CRPPA: variants seen among roughly 807,000 people sequenced by gnomAD.
The protein encoded by CRPPA is D-ribitol-5-phosphate cytidylyltransferase.
Under a neutral mutation model 52.0 loss-of-function variants are expected in CRPPA, and 43 were observed. That is an observed-to-expected ratio of 0.83 (90% CI 0.65 to 1.07). The LOEUF is 1.07. CRPPA is among the 50% of genes least tolerant of loss of function. The pLI is 0.00. For missense variants in CRPPA, 629 were observed against 551.7 expected, an observed-to-expected ratio of 1.14 and a Z score of -1.40; for synonymous variants, 250 against 203.5, an observed-to-expected ratio of 1.23 and a Z score of -1.94.
At chr7:16,343,553 G>A (rs1201551582) in intron 3 of CRPPA, among the ~76,000 whole-genome samples, 1 of 151,356 alleles carries the variant, frequency 6.6e-6, no homozygotes. Context: ...ATCTGACTCA[G>A]TTTCCCACTG....
intron 5 of CRPPA, among the ~76,000 whole-genome samples, chr7:16,294,299 T>A (rs1439814271): frequency 6.6e-6 from 1 of 151,908 alleles, no homozygotes; most frequent in African/African-American, 2.4e-5. Flanking sequence ...TGATATCAAG[T>A]CTTATTTAAC....
intron 5 of CRPPA, among the ~76,000 whole-genome samples, chr7:16,281,774 G>T (rs1183494356): frequency 6.6e-6 from 1 of 152,228 alleles, no homozygotes; most frequent in Non-Finnish European, 1.5e-5. Context: ...ATTGATGAAT[G>T]ATTATTCACA....
At chr7:16,148,208 C>T (rs1783010909) in intron 9 of CRPPA, among the ~76,000 whole-genome samples, 1 of 152,092 alleles carries the variant, frequency 6.6e-6, no homozygotes, top group Admixed American at 6.6e-5. Context: ...ACATAATTTT[C>T]TCTTCCTCTT....
At chr7:16,401,768 G>T (rs1411493607) in intron 2 of CRPPA, among the ~76,000 whole-genome samples, 4 of 151,886 alleles carry the variant, frequency 2.6e-5, no homozygotes, top group Non-Finnish European at 5.9e-5. Context: ...ACTTAATTAC[G>T]CAGAAATATA....
At chr7:16,187,085 G>A (rs1781520137) in intron 9 of CRPPA, among the ~76,000 whole-genome samples, 1 of 152,038 alleles carries the variant, frequency 6.6e-6, no homozygotes, top group African/African-American at 2.4e-5. Flanking sequence ...TCTCATGTAT[G>A]CTTCATGAAA....
At chr7:16,119,978 C>G (rs1205353831) in intron 9 of CRPPA, among the ~76,000 whole-genome samples, 1 of 152,084 alleles carries the variant, frequency 6.6e-6, no homozygotes, top group Non-Finnish European at 1.5e-5. Context: ...TAAGAATCTT[C>G]AGCATTTAGG....
chr7:16,344,306 C>A (rs2389596), intron 3 of CRPPA, among the ~76,000 whole-genome samples: 42,440 of 149,422 alleles, frequency 0.28, 6,162 homozygotes, highest in Admixed American at 0.34. Context: ...TGGCTCACAT[C>A]TGTAATCCCA....
chr7:16,182,478 C>G (rs1781430594), intron 9 of CRPPA, among the ~76,000 whole-genome samples: 1 of 152,028 alleles, frequency 6.6e-6, no homozygotes, highest in Non-Finnish European at 1.5e-5. Flanking sequence ...TCCATTGTTA[C>G]AAAGGTGCTT....
intron 1 of CRPPA, among the ~76,000 whole-genome samples, chr7:16,419,514 A>T (rs897156548): frequency 6.7e-6 from 1 of 150,196 alleles, no homozygotes; most frequent in Non-Finnish European, 1.5e-5. Flanking sequence ...ACAAGATTAG[A>T]AATTACAGTT....
At chr7:16,227,055 G>A (rs1280127199) in intron 8 of CRPPA, among the ~76,000 whole-genome samples, 1 of 151,838 alleles carries the variant, frequency 6.6e-6, no homozygotes, top group African/African-American at 2.4e-5. Context: ...CAGCCACGTT[G>A]TTGCAAATGC....
intron 2 of CRPPA, among the ~76,000 whole-genome samples, chr7:16,384,956 A>G (rs1208238572): frequency 6.6e-6 from 1 of 152,250 alleles, no homozygotes; most frequent in Non-Finnish European, 1.5e-5. Context: ...GCAGTAAGGC[A>G]AGGTATGACA....
intron 5 of CRPPA, among the ~76,000 whole-genome samples, chr7:16,287,311 A>G (rs1167674126): frequency 6.6e-6 from 1 of 152,128 alleles, no homozygotes; most frequent in African/African-American, 2.4e-5. Context: ...TAGTTTCTAT[A>G]TTACAGTATA....
chr7:16,124,376 T>C (rs1232713022), intron 9 of CRPPA, among the ~76,000 whole-genome samples: 1 of 152,104 alleles, frequency 6.6e-6, no homozygotes, highest in Non-Finnish European at 1.5e-5. Flanking sequence ...AGTATATATA[T>C]ATGCAATGGG....
At chr7:16,378,204 T>C (rs985469570) in intron 2 of CRPPA, among the ~76,000 whole-genome samples, 2 of 151,786 alleles carry the variant, frequency 1.3e-5, no homozygotes, top group South Asian at 2.1e-4. Context: ...TGGTGCGCTG[T>C]ACCCATTAAC....
At chr7:16,243,786 C>T (rs1042652052) in intron 8 of CRPPA, among the ~76,000 whole-genome samples, 1 of 152,094 alleles carries the variant, frequency 6.6e-6, no homozygotes, top group African/African-American at 2.4e-5. Context: ...GGCAGCACAA[C>T]AAGACCTCAT....
intron 9 of CRPPA, among the ~76,000 whole-genome samples, chr7:16,093,737 C>A (rs930970819): frequency 2.0e-5 from 3 of 152,134 alleles, no homozygotes; most frequent in Non-Finnish European, 2.9e-5. Context: ...ATCTGTGTCA[C>A]ATCATTCATA....
intron 8 of CRPPA, among the ~76,000 whole-genome samples, chr7:16,242,437 T>C (rs1162198243): frequency 2.0e-5 from 3 of 152,208 alleles, no homozygotes; most frequent in Non-Finnish European, 4.4e-5. Flanking sequence ...ATCATATCTT[T>C]TGTGACAGGT....
chr7:16,384,793 A>C (rs1787209571), intron 2 of CRPPA, among the ~76,000 whole-genome samples: 1 of 152,086 alleles, frequency 6.6e-6, no homozygotes, highest in Admixed American at 6.5e-5. Context: ...GGAAAGTGAT[A>C]TCCTCCAGGG....
At chr7:16,397,400 T>C (rs560404739) in intron 2 of CRPPA, among the ~76,000 whole-genome samples, 1 of 152,218 alleles carries the variant, frequency 6.6e-6, no homozygotes, top group Non-Finnish European at 1.5e-5. Context: ...ATGTGACAAC[T>C]GACACGTAAT....
Sources: gnomAD v4.1 joint callset for allele counts (sites outside exome capture counted in the v4.1 genomes callset) on GRCh38, gnomAD v4.1.1 for gene constraint, MANE v1.5 for transcripts, NCBI Gene and HGNC (gene_info 2026-07-23, HGNC 2026-07-21) for gene names.